The following HMGN3 variants were observed in gnomAD, a reference collection of about 807,000 sequenced individuals.
HMGN3 encodes the protein high mobility group nucleosomal binding domain 3, also known as high mobility group nucleosome-binding domain-containing protein 3.
In HMGN3, 6 loss-of-function variants were observed where a neutral mutation model predicts 18.8. The ratio of observed to expected loss-of-function variants is 0.32; its 90% confidence interval spans 0.18 to 0.63. The LOEUF is 0.63. Ranked by LOEUF, HMGN3 falls within the 30% of genes least tolerant of loss-of-function variation. The pLI is 0.79. For missense variants in HMGN3, 107 were observed against 114.2 expected (o/e 0.94, Z 0.29); for synonymous variants, 40 against 36.5 (o/e 1.10, Z -0.35).
chr6:79,214,935 TA>T, intron 2 of HMGN3, 36 bp downstream of exon 2: 1 of 1,103,334 alleles, frequency 9.1e-7, no homozygotes. Context: ...CATTTCAATG[TA>T]AATAATTAAA....
chr6:79,215,007 C>T (rs1297800857), exon 2 of HMGN3: 11 of 1,517,046 alleles, frequency 7.3e-6, no homozygotes, highest in African/African-American at 1.4e-5. Context: ...TCTTTGCCCT[C>T]TGTATTCTCT....
At chr6:79,229,021 A>G (rs1777702965) in intron 1 of HMGN3, among the ~76,000 whole-genome samples, 1 of 152,266 alleles carries the variant, frequency 6.6e-6, no homozygotes, top group South Asian at 2.1e-4. Flanking sequence ...AATGGTGCTG[A>G]GGTAATTGGA....
chr6:79,229,151 TCC>T (rs550406932), intron 1 of HMGN3, among the ~76,000 whole-genome samples: 16 of 152,244 alleles, frequency 1.1e-4, no homozygotes, highest in African/African-American at 3.9e-4. Flanking sequence ...TGAGAAAACA[TCC>T]ATAACCTTGA....
intron 1 of HMGN3, among the ~76,000 whole-genome samples, chr6:79,217,617 CA>C (rs1307183292): frequency 2.0e-5 from 3 of 152,174 alleles, no homozygotes; most frequent in African/African-American, 7.2e-5. Flanking sequence ...AGATTCCCTG[CA>C]AACTGGTTAT....
exon 1 of HMGN3, chr6:79,234,587 T>C (rs777634488): frequency 6.2e-7 from 1 of 1,612,034 alleles, no homozygotes. Context: ...AAGCAAAAAG[T>C]AAAGCAACGG....
intron 1 of HMGN3, among the ~76,000 whole-genome samples, chr6:79,231,802 G>A (rs913990588): frequency 6.6e-6 from 1 of 152,058 alleles, no homozygotes; most frequent in African/African-American, 2.4e-5. Context: ...ACTGCTTGTG[G>A]GATCTATAAC....
chr6:79,211,194 G>A (rs933684037), intron 2 of HMGN3, among the ~76,000 whole-genome samples: 18 of 151,758 alleles, frequency 1.2e-4, no homozygotes, highest in Admixed American at 3.3e-4. Flanking sequence ...AGAGATTTTC[G>A]TTTTCACTGC....
At chr6:79,202,344 CCTT>C (rs1776181949) in exon 5 of HMGN3, 8 of 1,614,148 alleles carry the variant, frequency 5.0e-6, no homozygotes, top group Non-Finnish European at 6.8e-6. Context: ...TGCTTTTCCT[CCTT>C]CTTCCCTTTA....
chr6:79,204,664 T>G (rs1326699860), intron 3 of HMGN3, among the ~76,000 whole-genome samples: 1 of 152,184 alleles, frequency 6.6e-6, no homozygotes, highest in Admixed American at 6.5e-5. Flanking sequence ...CCCTAGTGCC[T>G]CTAGGTAATT....
At position 79,203,685 on chromosome 6, in the gene HMGN3, ACC is replaced by A. The variant is rs1776267306; in HGVS notation, c.97-57_97-56del. The A allele has an allele frequency of 4.6e-6, 6 of 1,298,114 alleles. No homozygotes were observed. The Admixed American group carries it at 1.2e-4, about 26-fold the overall frequency. The allele number at this position is 1,298,114 out of a possible 1,614,324, so 80.4% of individuals were successfully genotyped here. A position where few individuals can be genotyped will look rare whatever the true frequency, so the allele number is the denominator to read the frequency against. Reference sequence around the variant, plus strand: ...CTGAAAAAAAAAAAAAACTATCAGCACCAAAAGAAACACAAAAGGACTAACAA... The same window carrying A: ...CTGAAAAAAAAAAAAAACTATCAGCAAAAAGAAACACAAAAGGACTAACAA... On this transcript the variant is annotated intron_variant, in intron 3 of 5. Coordinates refer to ENST00000344726, the Ensembl canonical transcript of HMGN3.
At chr6:79,212,552 T>C (rs1412804510) in intron 2 of HMGN3, among the ~76,000 whole-genome samples, 8 of 152,236 alleles carry the variant, frequency 5.3e-5, no homozygotes, top group Non-Finnish European at 1.2e-4. Context: ...TGAGGAATAA[T>C]CTGCCTTCCT....
chr6:79,202,165 C>T lies in HMGN3; in HGVS notation c.261+111G>A, dbSNP rs1178453618. The T allele has an allele frequency of 1.3e-6, 2 of 1,596,024 alleles. No individual in the cohort carries two copies. Among genetic ancestry groups the T allele is most frequent in the Admixed American group, 3.4e-5 (2 of 58,524 alleles). The stretch of plus-strand genomic sequence containing the variant: ...AGCGAGAGATGTGGATCTGCAATAA[C>T]ATTACAGGCAATAAAAAGAGACATT... On this transcript the variant is annotated intron_variant, in intron 5 of 5. Coordinates refer to ENST00000344726, the Ensembl canonical transcript of HMGN3.
At chr6:79,228,820 G>A (rs1430943061) in intron 1 of HMGN3, among the ~76,000 whole-genome samples, 5 of 152,196 alleles carry the variant, frequency 3.3e-5, no homozygotes, top group Non-Finnish European at 7.3e-5. Context: ...TCCTGCCTCA[G>A]CCTCTCAAAC....
At chr6:79,225,968 T>C (rs1378932181) in intron 1 of HMGN3, among the ~76,000 whole-genome samples, 1 of 152,234 alleles carries the variant, frequency 6.6e-6, no homozygotes, top group African/African-American at 2.4e-5. Flanking sequence ...TTTAAACAAA[T>C]GAACACTCAT....
chr6:79,227,342 A>G (rs1011734993), intron 1 of HMGN3, among the ~76,000 whole-genome samples: 1 of 152,182 alleles, frequency 6.6e-6, no homozygotes, highest in Non-Finnish European at 1.5e-5. Context: ...TCCATTTGTT[A>G]TTTGGTGATT....
At chr6:79,228,758 C>T (rs1228331554) in intron 1 of HMGN3, among the ~76,000 whole-genome samples, 1 of 152,074 alleles carries the variant, frequency 6.6e-6, no homozygotes, top group East Asian at 1.9e-4. Context: ...GTAGAGATGA[C>T]GTCTCGCTAT....
At chr6:79,209,089 T>C (rs931143419) in intron 2 of HMGN3, among the ~76,000 whole-genome samples, 12 of 152,234 alleles carry the variant, frequency 7.9e-5, no homozygotes, top group Non-Finnish European at 1.2e-4. Context: ...ATCTTGGCAG[T>C]TAACAAGAAA....
intron 1 of HMGN3, among the ~76,000 whole-genome samples, chr6:79,217,608 G>T (rs1777056362): frequency 1.3e-5 from 2 of 152,166 alleles, no homozygotes; most frequent in East Asian, 3.9e-4. Flanking sequence ...CTTACATCCA[G>T]ATTCCCTGCA....
intron 2 of HMGN3, among the ~76,000 whole-genome samples, chr6:79,211,477 T>G (rs1776690071): frequency 6.6e-6 from 1 of 151,780 alleles, no homozygotes; most frequent in African/African-American, 2.4e-5. Flanking sequence ...TTTTTTTTTT[T>G]TTTTTTTAAT....
Sources: allele counts gnomAD v4.1 joint callset (sites outside exome capture counted in the v4.1 genomes callset), GRCh38; gene constraint gnomAD v4.1.1; transcripts MANE v1.5; gene names NCBI Gene and HGNC (gene_info 2026-07-23, HGNC 2026-07-21).